Variants in DOP1B observed in about 807,000 individuals in gnomAD.
The protein encoded by DOP1B is DOP1 leucine zipper like protein B, also known as protein DOP1B.
A neutral mutation model predicts 233.5 loss-of-function variants in DOP1B; 174 were observed. That is an observed-to-expected ratio of 0.75 (90% CI 0.66 to 0.85). DOP1B has a LOEUF of 0.85. Among genes scored for constraint, DOP1B ranks in the 40% least tolerant of loss-of-function variants. The pLI is 0.00. For missense variants in DOP1B, 2,652 were observed against 2,846.6 expected (o/e 0.93, Z 1.56); for synonymous variants, 1,190 against 1,185.6 (o/e 1.00, Z -0.08).
intron 10 of DOP1B, among the ~76,000 whole-genome samples, chr21:36,220,835 A>G (rs2066615428): frequency 6.6e-6 from 1 of 151,238 alleles, no homozygotes; most frequent in South Asian, 2.1e-4. Flanking sequence ...CAGCATGACA[A>G]GGTCTCACTC....
Position 36,270,003 on chromosome 21 carries a change from T to G in DOP1B, c.5488-10T>G. ...TAACTTCCTTTCCCCCTCCTCCTGA[T>G]AATTCTCAGGAAATCACTCAGAAAA... is the stretch of plus-strand genomic sequence containing the variant. On this transcript the variant is annotated splice_polypyrimidine_tract_variant and intron_variant, in intron 26 of 36. Transcript: ENST00000691173. 1 of 1,613,662 alleles carries G rather than the reference T, an allele frequency of 6.2e-7. No homozygotes were observed. The highest frequency in any genetic ancestry group is 8.5e-7 in the Non-Finnish European group (1 of 1,179,664).
At chr21:36,260,649 G>A in intron 23 of DOP1B, 28 bp from the exon 24 acceptor site, 4 of 1,613,194 alleles carry the variant, frequency 2.5e-6, no homozygotes, top group Non-Finnish European at 3.4e-6. Context: ...CACCAACTCG[G>A]AGTAATTGGT....
At chr21:36,275,070 C>T (rs2067335932) in intron 27 of DOP1B, among the ~76,000 whole-genome samples, 1 of 152,014 alleles carries the variant, frequency 6.6e-6, no homozygotes, top group Non-Finnish European at 1.5e-5. Flanking sequence ...GTCTCGAACT[C>T]CTGACCTCAA....
At position 36,239,169 on chromosome 21, in the gene DOP1B, C is replaced by G. The variant is rs921193962; in HGVS notation, c.2876+468C>G. On this transcript the variant is annotated intron_variant, in intron 17 of 36. Coordinates refer to ENST00000691173, the MANE Select transcript of DOP1B (RefSeq NM_001320714.2). ...CACAGCCAGTGGTTCCCATAAACCC[C>G]TAAGTGAATTTAGGCCAGACACATG... 2.0e-5 allele frequency among the ~76,000 whole-genome samples: 3 copies of G among 152,174 alleles called. 1 individual carries two copies. In the South Asian group the frequency reaches 6.2e-4, roughly 31 times the overall value.
At chr21:36,235,136 A>G (rs2066811036) in intron 15 of DOP1B, among the ~76,000 whole-genome samples, 1 of 152,220 alleles carries the variant, frequency 6.6e-6, no homozygotes. Flanking sequence ...GGACAGCGGC[A>G]GCTAGTGCCT....
intron 2 of DOP1B, among the ~76,000 whole-genome samples, chr21:36,181,023 T>C (rs2066092567): frequency 6.6e-6 from 1 of 152,230 alleles, no homozygotes; most frequent in East Asian, 1.9e-4. Flanking sequence ...GGTAGACAGG[T>C]ATACCGTCAA....
chr21:36,214,267 A>G (rs780130170), intron 8 of DOP1B, 77 bp downstream of exon 8: 30 of 1,361,564 alleles, frequency 2.2e-5, no homozygotes, highest in Non-Finnish European at 3.0e-5. Flanking sequence ...AGGCTTCCAC[A>G]TAGGCAGTGA....
In DOP1B at chr21:36,253,783, G is replaced by A. The variant is rs562968969; in HGVS notation, c.5133G>A (p.Thr1711=). Reference sequence around the variant, plus strand: ...TTTTTTCTTGGCAGATTATCCCAACGGCAAGTGCATCCCAGCTAACCCTTG... The same window carrying A: ...TTTTTTCTTGGCAGATTATCCCAACAGCAAGTGCATCCCAGCTAACCCTTG... The part of the protein sequence containing the change: ...QRHSKMKIIP[T]ASASQLTLVD... The change falls in exon 23 of 37, where the codon ACG becomes ACA. Residue 1711 remains threonine, a synonymous_variant. Coordinates refer to ENST00000691173, the MANE Select transcript of DOP1B (RefSeq NM_001320714.2). 4.3e-6 allele frequency: 7 copies of A among 1,611,734 alleles called. No individual in the cohort carries two copies. Among genetic ancestry groups the A allele is most frequent in the South Asian group, 1.1e-5 (1 of 90,802 alleles).
chr21:36,202,406 G>T (rs973638738), intron 4 of DOP1B, among the ~76,000 whole-genome samples: 1 of 152,142 alleles, frequency 6.6e-6, no homozygotes, highest in Admixed American at 6.6e-5. Context: ...TACACAACGC[G>T]CTGCTCATAT....
intron 22 of DOP1B, 119 bp from the exon 23 acceptor site, chr21:36,253,649 AAAAG>A: frequency 1.7e-6 from 2 of 1,199,700 alleles, no homozygotes; most frequent in East Asian, 2.5e-5. Context: ...AAAAAAAAAA[AAAAG>A]AGATGAAAAC....
intron 2 of DOP1B, among the ~76,000 whole-genome samples, chr21:36,166,139 T>C (rs1568994786): frequency 6.6e-6 from 1 of 151,616 alleles, no homozygotes; most frequent in Non-Finnish European, 1.5e-5. Flanking sequence ...TGTGGAGAAA[T>C]TGTCTTCCAC....
intron 23 of DOP1B, among the ~76,000 whole-genome samples, chr21:36,258,579 G>A (rs550907533): frequency 1.3e-5 from 2 of 152,152 alleles, no homozygotes; most frequent in East Asian, 1.9e-4. Context: ...CATATGACAC[G>A]GGGCAGCCCC....
At position 36,233,043 on chromosome 21, in the gene DOP1B, A is replaced by G; in HGVS notation, c.2590A>G (p.Lys864Glu). 1.2e-6 allele frequency: 2 copies of G among 1,614,066 alleles called. No homozygotes were observed. Among genetic ancestry groups the G allele is most frequent in the Non-Finnish European group, 1.7e-6 (2 of 1,179,966 alleles). The change falls in exon 15 of 37, where the codon AAA (lysine) becomes GAA (glutamate). Residue 864 changes from lysine (K) to glutamate (E), a missense_variant. Transcript: ENST00000691173. ...TCCTCCCATTGCTCCAGGGATATTG[A>G]AAGTCATTGCAGAGAAAACAGATTT... The part of the protein sequence containing the change: ...TVPPIAPGIL[K>E]VIAEKTDFYQ...
rs1194287554 is a variant in DOP1B, at chr21:36,179,329, T to G, written c.138+14458T>G. On this transcript the variant is annotated intron_variant, in intron 2 of 36. Coordinates refer to ENST00000691173, the MANE Select transcript of DOP1B (RefSeq NM_001320714.2). ...ATTCCCAGCTGCAGTGTATGAAAGC[T>G]CCAGTTCTCCCCCATCCTCTTCAAC... is the stretch of plus-strand genomic sequence containing the variant. Among the ~76,000 whole-genome samples the G allele has an allele frequency of 2.0e-5, 3 of 152,214 alleles. No individual in the cohort carries two copies. In the East Asian group the frequency reaches 5.8e-4, roughly 29 times the overall value.
At chr21:36,167,092 C>T (rs905459913) in intron 2 of DOP1B, among the ~76,000 whole-genome samples, 4 of 152,320 alleles carry the variant, frequency 2.6e-5, no homozygotes, top group South Asian at 4.1e-4. Flanking sequence ...GCAGTAGAAC[C>T]GCATTGAGTC....
intron 2 of DOP1B, among the ~76,000 whole-genome samples, chr21:36,188,387 A>G (rs1003407865): frequency 1.1e-4 from 16 of 151,830 alleles, no homozygotes; most frequent in African/African-American, 3.9e-4. Flanking sequence ...TGCCACCGCC[A>G]CTCCCTCAAG....
At chr21:36,253,970 T>C in intron 23 of DOP1B, 61 bp downstream of exon 23, 1 of 1,563,756 alleles carries the variant, frequency 6.4e-7, no homozygotes, top group Non-Finnish European at 8.7e-7. Flanking sequence ...TTGTCATAAC[T>C]CTACTTCCTT....
intron 23 of DOP1B, among the ~76,000 whole-genome samples, chr21:36,254,647 C>T (rs2067071677): frequency 6.6e-6 from 1 of 152,122 alleles, no homozygotes; most frequent in African/African-American, 2.4e-5. Context: ...TTGTGGGAGA[C>T]ACATACACAT....
Position 36,247,514 on chromosome 21 carries a change from C to CAGCACAACCTCCA in DOP1B, c.4698_4710dup. On this transcript the variant is annotated splice_region_variant and splice_polypyrimidine_tract_variant and intron_variant, in intron 19 of 36. Coordinates refer to ENST00000691173, the MANE Select transcript of DOP1B (RefSeq NM_001320714.2). ...AAACCAGTTTCTCTTTTCTTCACCACAGCACAACCTCCAAGAGGGAAAACA... is the reference window on the plus strand; with the variant it reads ...AAACCAGTTTCTCTTTTCTTCACCACAGCACAACCTCCAAGCACAACCTCCAAGAGGGAAAACA... The CAGCACAACCTCCA allele has an allele frequency of 6.3e-7, 1 of 1,591,044 alleles. No individual in the cohort carries two copies. Among genetic ancestry groups the CAGCACAACCTCCA allele is most frequent in the Non-Finnish European group, 8.5e-7 (1 of 1,172,536 alleles).
Sources: allele counts gnomAD v4.1 joint callset (sites outside exome capture counted in the v4.1 genomes callset), GRCh38; gene constraint gnomAD v4.1.1; transcripts MANE v1.5; gene names NCBI Gene and HGNC (gene_info 2026-07-23, HGNC 2026-07-21).